ITGB8: variants seen among roughly 807,000 people sequenced by gnomAD.
The protein encoded by ITGB8 is integrin subunit beta 8, also known as integrin beta-8.
Under a neutral mutation model 89.5 loss-of-function variants are expected in ITGB8, and 30 were observed. The observed-to-expected ratio is 0.34, with a 90% confidence interval of 0.25 to 0.45. The LOEUF (loss-of-function observed/expected upper bound fraction) is 0.45. ITGB8 is among the 20% of genes least tolerant of loss of function. The pLI, the probability that ITGB8 is intolerant of heterozygous loss-of-function variation, is 1.00. For missense variants in ITGB8, 836 were observed against 933.3 expected, an observed-to-expected ratio of 0.90 and a Z score of 1.36; for synonymous variants, 335 against 320.4, an observed-to-expected ratio of 1.05 and a Z score of -0.49.
intron 1 of ITGB8, among the ~76,000 whole-genome samples, chr7:20,351,044 A>C (rs1389508214): frequency 6.6e-6 from 1 of 152,158 alleles, no homozygotes; most frequent in Non-Finnish European, 1.5e-5. Context: ...AGAGTCTCTG[A>C]CTCCAAGGAT....
chr7:20,373,673 C>CTGGA (rs1337863738), intron 3 of ITGB8, among the ~76,000 whole-genome samples: 2 of 152,190 alleles, frequency 1.3e-5, no homozygotes, highest in African/African-American at 4.8e-5. Context: ...AGGAAATGTA[C>CTGGA]TGGAGTCTGT....
chr7:20,336,074 C>T (rs1784567265), intron 1 of ITGB8, among the ~76,000 whole-genome samples: 2 of 133,502 alleles, frequency 1.5e-5, no homozygotes, highest in African/African-American at 2.9e-5. Flanking sequence ...GGTGCGATCT[C>T]GGCCCACTGC....
intron 1 of ITGB8, among the ~76,000 whole-genome samples, chr7:20,361,635 T>TG (rs1562667149): frequency 6.6e-6 from 1 of 152,190 alleles, no homozygotes; most frequent in Non-Finnish European, 1.5e-5. Context: ...CATATGAATT[T>TG]GGGGGGACAC....
At position 20,363,716 on chromosome 7, in the gene ITGB8, T is replaced by C; in HGVS notation, c.207T>C (p.Val69=). The C allele has an allele frequency of 6.4e-7, 1 of 1,568,322 alleles. No homozygotes were observed. The highest frequency in any genetic ancestry group is 1.5e-5 in the African/African-American group (1 of 66,814). ...LALGPECGWC[V]QEDFISGGSR... ...TGGGTCCAGAATGTGGATGGTGTGT[T>C]CAAGAGGTGTGCCATTTTTTTTTTT... The change falls in exon 2 of 14, where the codon GTT becomes GTC. Residue 69 remains valine (V), a synonymous_variant. Transcript: ENST00000222573.
intron 1 of ITGB8, among the ~76,000 whole-genome samples, chr7:20,361,228 C>A (rs1036495547): frequency 2.6e-5 from 4 of 152,154 alleles, no homozygotes. Flanking sequence ...AAAAGTCTTA[C>A]CTGTTGAGTG....
At chr7:20,338,339 A>G (rs1784641348) in intron 1 of ITGB8, among the ~76,000 whole-genome samples, 1 of 152,134 alleles carries the variant, frequency 6.6e-6, no homozygotes, top group Non-Finnish European at 1.5e-5. Flanking sequence ...TTTAAATATT[A>G]CTGGGGGCCG....
At chr7:20,345,120 T>C (rs1362765250) in intron 1 of ITGB8, among the ~76,000 whole-genome samples, 2 of 152,148 alleles carry the variant, frequency 1.3e-5, no homozygotes, top group African/African-American at 4.8e-5. Context: ...AAGGTCTCAC[T>C]GAGAAGGTGC....
intron 9 of ITGB8, 101 bp downstream of exon 9, chr7:20,399,095 G>A (rs530138805): frequency 8.4e-6 from 10 of 1,187,984 alleles, no homozygotes; most frequent in South Asian, 3.1e-5. Flanking sequence ...ACTTACTACT[G>A]ACTCTAAGAA....
At chr7:20,369,820 C>G (rs1449196928) in intron 3 of ITGB8, among the ~76,000 whole-genome samples, 3 of 151,852 alleles carry the variant, frequency 2.0e-5, no homozygotes, top group Non-Finnish European at 4.4e-5. Context: ...TATTAAATAA[C>G]AGCAAGTTTC....
intron 1 of ITGB8, among the ~76,000 whole-genome samples, chr7:20,346,161 T>G (rs1202704038): frequency 6.6e-6 from 1 of 152,030 alleles, no homozygotes; most frequent in African/African-American, 2.4e-5. Flanking sequence ...CACTTATACA[T>G]CTCCAAGCTC....
At chr7:20,394,397 T>A (rs552445134) in intron 7 of ITGB8, among the ~76,000 whole-genome samples, 3 of 152,232 alleles carry the variant, frequency 2.0e-5, no homozygotes, top group Non-Finnish European at 4.4e-5. Context: ...CTTGTGACTA[T>A]GATTTTTCCT....
At chr7:20,381,930 A>T (rs773141548) in intron 6 of ITGB8, 45 bp downstream of exon 6, 12 of 1,520,026 alleles carry the variant, frequency 7.9e-6, no homozygotes, top group Non-Finnish European at 1.1e-5. Context: ...CTTTTGGTTA[A>T]AGTACAATTT....
At chr7:20,395,080 A>G in intron 8 of ITGB8, 95 bp downstream of exon 8, 1 of 694,428 alleles carries the variant, frequency 1.4e-6, no homozygotes, top group Non-Finnish European at 2.5e-6. Flanking sequence ...CGAGAGGAGG[A>G]GTAGAAAGCA....
At chr7:20,382,712 A>C (rs1321155492) in intron 6 of ITGB8, among the ~76,000 whole-genome samples, 1 of 152,140 alleles carries the variant, frequency 6.6e-6, no homozygotes, top group African/African-American at 2.4e-5. Flanking sequence ...CAAATAACTC[A>C]ACTATTTATG....
intron 2 of ITGB8, chr7:20,364,524 T>A (rs1785620344): frequency 6.6e-6 from 1 of 152,146 alleles, no homozygotes; most frequent in African/African-American, 2.4e-5. Flanking sequence ...AGGAAGCAAG[T>A]CAGAATAGAG....
At chr7:20,344,729 G>C (rs1784866467) in intron 1 of ITGB8, among the ~76,000 whole-genome samples, 1 of 152,180 alleles carries the variant, frequency 6.6e-6, no homozygotes, top group South Asian at 2.1e-4. Context: ...AGTTGACCAA[G>C]AGAAGGGACA....
intron 3 of ITGB8, among the ~76,000 whole-genome samples, chr7:20,376,707 G>C (rs1468652745): frequency 2.0e-5 from 3 of 152,092 alleles, no homozygotes; most frequent in Non-Finnish European, 4.4e-5. Flanking sequence ...GCCTAGCTAG[G>C]TCTATTTACC....
intron 3 of ITGB8, among the ~76,000 whole-genome samples, chr7:20,375,211 A>T (rs76026025): frequency 0.1 from 15,467 of 152,196 alleles, 1,041 homozygotes; most frequent in East Asian, 0.42. Context: ...AAAGGAAAAA[A>T]AAAAGGAAAT....
intron 1 of ITGB8, among the ~76,000 whole-genome samples, chr7:20,349,584 T>A (rs1273973815): frequency 6.6e-6 from 1 of 152,100 alleles, no homozygotes; most frequent in East Asian, 1.9e-4. Context: ...CAAAAAAGTA[T>A]TAAAATAAAT....
Sources: allele counts gnomAD v4.1 joint callset (sites outside exome capture counted in the v4.1 genomes callset), GRCh38; gene constraint gnomAD v4.1.1; transcripts MANE v1.5; gene names NCBI Gene and HGNC (gene_info 2026-07-23, HGNC 2026-07-21).